The following ADCY3 variants were observed in gnomAD, a reference collection of about 807,000 sequenced individuals.
ADCY3 encodes adenylate cyclase 3, also known as adenylate cyclase type 3.
ADCY3 carries 70 observed loss-of-function variants against 119.4 expected under a neutral mutation model. The observed-to-expected ratio is 0.59, with a 90% confidence interval of 0.48 to 0.72. The LOEUF (loss-of-function observed/expected upper bound fraction) is 0.72. ADCY3 is among the 30% of genes least tolerant of loss of function. The pLI is 0.00. For missense variants in ADCY3, 1,238 were observed against 1,541.6 expected (o/e 0.80, Z 3.30); for synonymous variants, 672 against 621.4 (o/e 1.08, Z -1.21).
Position 24,834,433 on chromosome 2 carries a change from CGGCA to C in ADCY3, c.1967+48_1967+51del. The C allele has an allele frequency of 6.8e-5, 90 of 1,321,778 alleles. No individual in the cohort carries two copies. Among genetic ancestry groups the C allele is most frequent in the South Asian group, 3.1e-4 (25 of 79,366 alleles). The allele number at this position is 1,321,778 out of a possible 1,614,324, so 81.9% of individuals were successfully genotyped here. On this transcript the variant is annotated intron_variant, in intron 11 of 21. Transcript: ENST00000679454. The surrounding 1 kb of genome is among the most constrained non-coding windows in gnomAD (Gnocchi z 4.2). ...GAGACACCTGCCCCCGCCCCCCGCC[CGGCA>C]CCACCGCAGCCGAGGAAACTCGTGG...
Position 24,918,619 on chromosome 2 carries a change from C to T in ADCY3, c.369G>A (p.Val123=), listed in dbSNP as rs779175641. 1 of 1,614,146 alleles carries T rather than the reference C, an allele frequency of 6.2e-7. No individual in the cohort carries two copies. The highest frequency in any genetic ancestry group is 2.2e-5 in the East Asian group (1 of 44,882). ...CCGGGAGCAGCCCCTTTTTGCAGAG[C>T]ACGAAGAGGATGATGTCCAACACCA... is the stretch of plus-strand genomic sequence containing the variant. The part of the protein sequence containing the change: ...IGLVLDIILF[V]LCKKGLLPDR... Residue 123 remains valine, a synonymous_variant, in exon 2 of 22, where the codon GTG becomes GTA. Coordinates refer to ENST00000679454, the MANE Select transcript of ADCY3 (RefSeq NM_004036.5). The surrounding 1 kb of genome is among the most constrained non-coding windows in gnomAD (Gnocchi z 5.4).
chr2:24,901,884 A>G (rs572785843), intron 2 of ADCY3, among the ~76,000 whole-genome samples: 2 of 152,032 alleles, frequency 1.3e-5, no homozygotes, highest in African/African-American at 4.8e-5. Context: ...AAGATTGGCA[A>G]ATGACTGTAT....
In ADCY3 at chr2:24,820,740, A is replaced by AC. The variant is rs1479681064; in HGVS notation, c.3235dup (p.Val1079GlyfsTer46). The stretch of plus-strand genomic sequence containing the variant: ...TGGACATACCTGAATGTTGCCCATG[A>AC]CCCCCGTGGACTCCATCCTGCTGGC... On this transcript the variant is annotated frameshift_variant, in exon 21 of 22. Transcript: ENST00000679454. LOFTEE classifies it high-confidence loss of function. 1.2e-6 allele frequency: 2 copies of AC among 1,613,468 alleles called. No homozygotes were observed. Among genetic ancestry groups the AC allele is most frequent in the Non-Finnish European group, 8.5e-7 (1 of 1,179,848 alleles).
chr2:24,823,224 G>A lies in ADCY3; in HGVS notation c.2868C>T (p.Ile956=), dbSNP rs764798957. Residue 956 remains isoleucine (I), a synonymous_variant, in exon 18 of 22, where the codon ATC becomes ATT. Coordinates refer to ENST00000679454, the MANE Select transcript of ADCY3 (RefSeq NM_004036.5). ...IECLRFLNEI[I]SDFDSLLDNP... is the part of the protein sequence containing the mutation. ...GGGCACTCACAGAGTCAAAATCTGA[G>A]ATGATTTCATTGAGGAAACGCAGAC... 5.0e-6 allele frequency: 8 copies of A among 1,612,848 alleles called. No individual in the cohort carries two copies. The highest frequency in any genetic ancestry group is 6.8e-6 in the Non-Finnish European group (8 of 1,179,754).
intron 3 of ADCY3, among the ~76,000 whole-genome samples, chr2:24,865,673 G>A (rs1354285558): frequency 1.3e-5 from 2 of 151,976 alleles, no homozygotes; most frequent in South Asian, 2.1e-4. Context: ...ATACTTTTAC[G>A]ATTTTATACA....
At chr2:24,912,646 T>C (rs1460899693) in intron 2 of ADCY3, among the ~76,000 whole-genome samples, 1 of 151,756 alleles carries the variant, frequency 6.6e-6, no homozygotes, top group Non-Finnish European at 1.5e-5. Flanking sequence ...CATATAAAAC[T>C]ACCCAGTTAC....
In ADCY3 at chr2:24,834,843, G is replaced by A; in HGVS notation, c.1756C>T (p.Leu586Phe). ...VVDASEDEHELNQLLNEALLE... is the reference protein window; with the variant it reads ...VVDASEDEHEFNQLLNEALLE... ...AGGGCCTCGTTGAGCAGCTGGTTGA[G>A]CTCGTGCTCATCTTCAGAGGCATCC... Residue 586 changes from leucine to phenylalanine, a missense_variant, in exon 10 of 22, where the codon CTC becomes TTC. By Grantham distance (22) the Leu-to-Phe change is conservative. Coordinates refer to ENST00000679454, the MANE Select transcript of ADCY3 (RefSeq NM_004036.5). This position sits in a 1 kb window ranked among gnomAD's most constrained non-coding sequence, Gnocchi z 4.2. 4 of 1,613,968 alleles carry A rather than the reference G, an allele frequency of 2.5e-6. No homozygotes were observed. The highest frequency in any genetic ancestry group is 1.3e-5 in the African/African-American group (1 of 75,056).
Position 24,819,479 on chromosome 2 carries a change from C to CACCTCACTCGGACCACATGGAG in ADCY3, c.*431_*452dup, listed in dbSNP as rs1165153345. The CACCTCACTCGGACCACATGGAG allele has an allele frequency of 7.1e-5, 11 of 154,536 alleles. No homozygotes were observed. The highest frequency in any genetic ancestry group is 2.6e-4 in the African/African-American group (11 of 41,650). 9.6% of individuals were successfully genotyped at this position (154,536 alleles called of 1,614,324 possible). A position where few individuals can be genotyped will look rare whatever the true frequency, so the allele number is the denominator to read the frequency against. On this transcript the variant is annotated 3_prime_UTR_variant, in exon 22 of 22. Coordinates refer to ENST00000679454, the MANE Select transcript of ADCY3 (RefSeq NM_004036.5). ...AGGAACACCAGGACGAGGGCCGTCT[C>CACCTCACTCGGACCACATGGAG]ACCTCACTCGGACCACATGGAGACC...
At chr2:24,910,922 G>C (rs536488091) in intron 2 of ADCY3, among the ~76,000 whole-genome samples, 1 of 152,074 alleles carries the variant, frequency 6.6e-6, no homozygotes, top group Non-Finnish European at 1.5e-5. Context: ...CGGGATTACA[G>C]GTGTGAGCCA....
intron 2 of ADCY3, among the ~76,000 whole-genome samples, chr2:24,886,475 G>C (rs1447025289): frequency 6.6e-6 from 1 of 152,144 alleles, no homozygotes; most frequent in Non-Finnish European, 1.5e-5. Context: ...ACCTTGCAAA[G>C]GGCCAGGTGG....
intron 3 of ADCY3, among the ~76,000 whole-genome samples, chr2:24,862,275 G>A (rs1392949502): frequency 6.6e-5 from 10 of 152,124 alleles, no homozygotes; most frequent in African/African-American, 1.2e-4. Context: ...AGCCGGGCGC[G>A]GTGGCTCACG....
chr2:24,857,099 G>C (rs755627062), intron 3 of ADCY3, among the ~76,000 whole-genome samples: 1 of 152,184 alleles, frequency 6.6e-6, no homozygotes, highest in African/African-American at 2.4e-5. Flanking sequence ...GGAACAGTGC[G>C]GAAATCACAC....
At position 24,842,703 on chromosome 2, in the gene ADCY3, C is replaced by A; in HGVS notation, c.826-319G>T. ...AAGCGCAGCAGTCCTGCGTGGGCTG[C>A]TGCACCGTGAGCCCTCCCGGCAGGA... On this transcript the variant is annotated intron_variant, in intron 3 of 21. Coordinates refer to ENST00000679454, the MANE Select transcript of ADCY3 (RefSeq NM_004036.5). This position sits in a 1 kb window ranked among gnomAD's most constrained non-coding sequence, Gnocchi z 4.9. The A allele has an allele frequency of 2.9e-6, 1 of 341,076 alleles. No homozygotes were observed. The highest frequency in any genetic ancestry group is 2.1e-5 in the African/African-American group (1 of 47,722). 21.1% of individuals were successfully genotyped at this position (341,076 alleles called of 1,614,324 possible). A position where few individuals can be genotyped will look rare whatever the true frequency, so the allele number is the denominator to read the frequency against.
chr2:24,841,864 T>G lies in ADCY3; in HGVS notation c.957-197A>C, dbSNP rs533099370. 6.6e-6 allele frequency among the ~76,000 whole-genome samples: 1 copy of G among 152,244 alleles called. No individual in the cohort carries two copies. The highest frequency in any genetic ancestry group is 2.1e-4 in the South Asian group (1 of 4,824). On this transcript the variant is annotated intron_variant, in intron 4 of 21. Coordinates refer to ENST00000679454, the MANE Select transcript of ADCY3 (RefSeq NM_004036.5). This position sits in a 1 kb window ranked among gnomAD's most constrained non-coding sequence, Gnocchi z 5.8. Reference sequence around the variant, plus strand: ...TGACCTTGCACTTGTCCTAGCAGACTTCCCCTGCAGGCCTCCCTCCCTGTG... The same window carrying G: ...TGACCTTGCACTTGTCCTAGCAGACGTCCCCTGCAGGCCTCCCTCCCTGTG...
In ADCY3 at chr2:24,842,446, C is replaced by A; in HGVS notation, c.826-62G>T. The A allele has an allele frequency of 6.2e-7, 1 of 1,602,974 alleles. No individual in the cohort carries two copies. Among genetic ancestry groups the A allele is most frequent in the Non-Finnish European group, 8.5e-7 (1 of 1,172,984 alleles). On this transcript the variant is annotated intron_variant, in intron 3 of 21. Transcript: ENST00000679454. The surrounding 1 kb of genome is among the most constrained non-coding windows in gnomAD (Gnocchi z 4.9). ...GCCCTGCTAGAGGCAAGTTCAGATA[C>A]TTCTGGGAAGAAATGCCCCGATCCT...
At chr2:24,888,901 C>T (rs1297854601) in intron 2 of ADCY3, among the ~76,000 whole-genome samples, 2 of 152,040 alleles carry the variant, frequency 1.3e-5, no homozygotes, top group Non-Finnish European at 2.9e-5. Context: ...CCCAGCTACT[C>T]GGGAGGCTGA....
intron 3 of ADCY3, among the ~76,000 whole-genome samples, chr2:24,866,231 G>A (rs937799323): frequency 3.3e-5 from 5 of 151,992 alleles, no homozygotes; most frequent in African/African-American, 1.2e-4. Context: ...CTAACCATCT[G>A]CCACAAGAAA....
intron 2 of ADCY3, among the ~76,000 whole-genome samples, chr2:24,917,839 T>G (rs1664645007): frequency 6.6e-6 from 1 of 152,198 alleles, no homozygotes; most frequent in Non-Finnish European, 1.5e-5. Flanking sequence ...CCACATCTCC[T>G]GCAATCCTGA....
intron 2 of ADCY3, among the ~76,000 whole-genome samples, chr2:24,881,676 G>A (rs1676417600): frequency 6.6e-6 from 1 of 152,262 alleles, no homozygotes; most frequent in Non-Finnish European, 1.5e-5. Flanking sequence ...AACAGCTACA[G>A]TGGTAAAAAG....
Sources: gnomAD v4.1 joint callset for allele counts (sites outside exome capture counted in the v4.1 genomes callset) on GRCh38, gnomAD v4.1.1 for gene constraint, Gnocchi (gnomAD v3.1) non-coding constraint, MANE v1.5 for transcripts, NCBI Gene and HGNC (gene_info 2026-07-23, HGNC 2026-07-21) for gene names.